SAP30L: variants seen among roughly 807,000 people sequenced by gnomAD.
The protein encoded by SAP30L is histone deacetylase complex subunit SAP30L.
A neutral mutation model predicts 22.3 loss-of-function variants in SAP30L; 10 were observed. The ratio of observed to expected loss-of-function variants is 0.45; its 90% CI spans 0.28 to 0.76. The LOEUF (loss-of-function observed/expected upper bound fraction) is 0.76, where lower values mean the gene tolerates loss of function less well. SAP30L is among the 30% of genes least tolerant of loss of function. The pLI, the probability that SAP30L is intolerant of heterozygous loss-of-function variation, is 0.14. For missense variants in SAP30L, 206 were observed against 237.9 expected, an observed-to-expected ratio of 0.87 and a Z score of 0.88; for synonymous variants, 91 against 94.1, an observed-to-expected ratio of 0.97 and a Z score of 0.19.
intron 2 of SAP30L, among the ~76,000 whole-genome samples, chr5:154,451,534 A>G (rs762676284): frequency 3.3e-4 from 43 of 131,190 alleles, no homozygotes; most frequent in Non-Finnish European, 6.1e-4. Context: ...GCGTAAATAC[A>G]ACCACAGTGT....
intron 2 of SAP30L, 133 bp downstream of exon 2, chr5:154,451,346 GT>G: frequency 1.1e-6 from 1 of 940,650 alleles, no homozygotes; most frequent in South Asian, 1.8e-5. Context: ...TATTTGAAAA[GT>G]GAATTATAGT....
In SAP30L at chr5:154,459,189, A is replaced by G. The variant is rs1207352033; in HGVS notation, c.*3161A>G. ...GCAGTTGCTTCATGGAAGTCATCCA[A>G]AGGCGCTCTCAGTCATTACAATGAC... On this transcript the variant is annotated 3_prime_UTR_variant, in exon 4 of 4. Coordinates refer to ENST00000297109, the MANE Select transcript of SAP30L (RefSeq NM_024632.6). The G allele has an allele frequency of 1.3e-5, 2 of 152,234 alleles. No individual in the cohort carries two copies. The highest frequency in any genetic ancestry group is 2.9e-5 in the Non-Finnish European group (2 of 68,056). 9.4% of individuals were successfully genotyped at this position (152,234 alleles called of 1,614,324 possible).
chr5:154,446,922 C>A (rs1172728286), intron 1 of SAP30L, 117 bp downstream of exon 1: 1 of 806,992 alleles, frequency 1.2e-6, no homozygotes, highest in Non-Finnish European at 1.9e-6. Flanking sequence ...CGCCCCGGCT[C>A]TGCAGAACTG....
chr5:154,449,579 G>A (rs1019749642), intron 1 of SAP30L, among the ~76,000 whole-genome samples: 2 of 152,194 alleles, frequency 1.3e-5, no homozygotes, highest in Admixed American at 1.3e-4. Flanking sequence ...GATCTGAGTG[G>A]ACTCGCCAGT....
Position 154,460,599 on chromosome 5 carries a change from A to T in SAP30L, c.*4571A>T, listed in dbSNP as rs1055282137. ...GAGGTAGAACCCAGCCTAGGGCAAG[A>T]TATGAACTGTTCTTGAGGTAGAAAT... On this transcript the variant is annotated 3_prime_UTR_variant, in exon 4 of 4. Coordinates refer to ENST00000297109, the MANE Select transcript of SAP30L (RefSeq NM_024632.6). The T allele has an allele frequency of 6.6e-5, 10 of 152,232 alleles. No homozygotes were observed. The highest frequency in any genetic ancestry group is 2.4e-4 in the African/African-American group (10 of 41,470). The allele number at this position is 152,232 out of a possible 1,614,324, so 9.4% of individuals were successfully genotyped here.
rs1757134994 is a variant in SAP30L, at chr5:154,451,323, T to C, written c.324+110T>C. ...TTAAGAAGTAATTTTAGTCCTTTTG[T>C]TTTGCTGTGGATTATTTGAAAAGTG... On this transcript the variant is annotated intron_variant, in intron 2 of 3. Coordinates refer to ENST00000297109, the MANE Select transcript of SAP30L (RefSeq NM_024632.6). The C allele has an allele frequency of 3.3e-6, 4 of 1,215,246 alleles. No homozygotes were observed. In the East Asian group the frequency reaches 9.5e-5, roughly 29 times the overall value. 75.3% of individuals were successfully genotyped at this position (1,215,246 alleles called of 1,614,324 possible).
rs1340940196 is a variant in SAP30L, at chr5:154,457,754, G to A, written c.*1726G>A. 1 of 152,180 alleles carries A rather than the reference G, an allele frequency of 6.6e-6. No individual in the cohort carries two copies. Among genetic ancestry groups the A allele is most frequent in the Non-Finnish European group, 1.5e-5 (1 of 68,044 alleles). The allele number at this position is 152,180 out of a possible 1,614,324, so 9.4% of individuals were successfully genotyped here. On this transcript the variant is annotated 3_prime_UTR_variant, in exon 4 of 4. Transcript: ENST00000297109. ...ATATAGAATATACTCTGGACTGTGA[G>A]GGCATCCTATTTTGGTATGCCTCCT...
At chr5:154,452,065 T>C (rs1757153195) in intron 2 of SAP30L, among the ~76,000 whole-genome samples, 1 of 152,212 alleles carries the variant, frequency 6.6e-6, no homozygotes. Flanking sequence ...TAAATTGTTT[T>C]CACTCAAGAC....
rs1757287868 is a variant in SAP30L at position 154,457,470 on chromosome 5, G to C, written c.*1442G>C. On this transcript the variant is annotated 3_prime_UTR_variant, in exon 4 of 4. Transcript: ENST00000297109. ...ATAAGAACAATGGACAGCCTGGCCTGGCAGAGAGTTTCACAGATGACTTAA... is the reference window on the plus strand; with the variant it reads ...ATAAGAACAATGGACAGCCTGGCCTCGCAGAGAGTTTCACAGATGACTTAA... The C allele has an allele frequency of 6.6e-6, 1 of 152,210 alleles. No homozygotes were observed. The highest frequency in any genetic ancestry group is 6.5e-5 in the Admixed American group (1 of 15,276). 9.4% of individuals were successfully genotyped at this position (152,210 alleles called of 1,614,324 possible).
At position 154,451,803 on chromosome 5, in the gene SAP30L, T is replaced by C. The variant is rs1231288455; in HGVS notation, c.324+590T>C. Among the ~76,000 whole-genome samples, 5 of 152,324 alleles carry C rather than the reference T, an allele frequency of 3.3e-5. No individual in the cohort carries two copies. The East Asian group carries it at 7.7e-4, about 23-fold the overall frequency. ...GTTGTGGGGACTGTCCTCTGCATTG[T>C]AGGATATTTAACAGCATGCCTCAGC... is the stretch of plus-strand genomic sequence containing the variant. On this transcript the variant is annotated intron_variant, in intron 2 of 3. Transcript: ENST00000297109.
chr5:154,446,928 A>C, intron 1 of SAP30L, 123 bp downstream of exon 1: 1 of 768,230 alleles, frequency 1.3e-6, no homozygotes, highest in Admixed American at 2.6e-5. Context: ...GGCTCTGCAG[A>C]ACTGAGTTGG....
At chr5:154,451,274 C>G in intron 2 of SAP30L, 61 bp downstream of exon 2, 1 of 1,555,530 alleles carries the variant, frequency 6.4e-7, no homozygotes, top group Non-Finnish European at 8.7e-7. Flanking sequence ...TGATTCTCAC[C>G]TCTGGCCTGG....
rs1757022767 is a variant in SAP30L at position 154,446,805 on chromosome 5, C to T, written c.201C>T (p.Ser67=). ...QKKLKLDIDK[S]VRHLYICDFH... is the part of the protein sequence containing the mutation. ...AACTCAAGCTGGACATCGACAAGAG[C>T]GTGAGTCCGCCCCCGCTCGCGTCTG... Residue 67 remains serine, a splice_region_variant and synonymous_variant, in exon 1 of 4, where the codon AGC becomes AGT. Coordinates refer to ENST00000297109, the MANE Select transcript of SAP30L (RefSeq NM_024632.6). The T allele has an allele frequency of 6.2e-7, 1 of 1,601,354 alleles. No homozygotes were observed. The highest frequency in any genetic ancestry group is 8.5e-7 in the Non-Finnish European group (1 of 1,175,362).
chr5:154,451,251 A>G, intron 2 of SAP30L, 38 bp downstream of exon 2: 1 of 1,604,216 alleles, frequency 6.2e-7, no homozygotes, highest in African/African-American at 1.3e-5. Context: ...AGCTGGAAGA[A>G]TGGATTCTAA....
At chr5:154,453,543 C>A in intron 3 of SAP30L, 43 bp downstream of exon 3, 2 of 1,286,274 alleles carry the variant, frequency 1.6e-6, no homozygotes, top group Non-Finnish European at 2.3e-6. Flanking sequence ...CAGCATTGTG[C>A]TGCTTCTGAT....
At chr5:154,450,094 A>G (rs1447856218) in intron 1 of SAP30L, among the ~76,000 whole-genome samples, 2 of 152,246 alleles carry the variant, frequency 1.3e-5, no homozygotes, top group Non-Finnish European at 2.9e-5. Flanking sequence ...ACATTTGTGC[A>G]ACAGCTGTTT....
intron 1 of SAP30L, among the ~76,000 whole-genome samples, chr5:154,447,883 C>G (rs940161858): frequency 6.6e-6 from 1 of 151,928 alleles, no homozygotes; most frequent in Non-Finnish European, 1.5e-5. Context: ...TAATTTACTT[C>G]CAAGCCCTAT....
In SAP30L at chr5:154,458,210, T is replaced by G. The variant is rs1182158143; in HGVS notation, c.*2182T>G. 6.6e-6 allele frequency: 1 copy of G among 152,260 alleles called. No homozygotes were observed. Among genetic ancestry groups the G allele is most frequent in the Non-Finnish European group, 1.5e-5 (1 of 68,048 alleles). The allele number at this position is 152,260 out of a possible 1,614,324, so 9.4% of individuals were successfully genotyped here. On this transcript the variant is annotated 3_prime_UTR_variant, in exon 4 of 4. Transcript: ENST00000297109. The stretch of plus-strand genomic sequence containing the variant: ...TGTGTGTGTACTTGGGTCCCTTGTC[T>G]TTCCTCTAAGGAGAGGTGCTTGTGG...
Position 154,456,057 on chromosome 5 carries a change from T to C in SAP30L, c.*29T>C. The C allele has an allele frequency of 6.2e-7, 1 of 1,607,540 alleles. No homozygotes were observed. Among genetic ancestry groups the C allele is most frequent in the Non-Finnish European group, 8.5e-7 (1 of 1,177,032 alleles). Reference sequence around the variant, plus strand: ...TGAAGCACATCTTAAAGGAATGAAGTGTAATGCTTGATGCACAGGTGATAT... The same window carrying C: ...TGAAGCACATCTTAAAGGAATGAAGCGTAATGCTTGATGCACAGGTGATAT... On this transcript the variant is annotated 3_prime_UTR_variant, in exon 4 of 4. Transcript: ENST00000297109.
Sources: gnomAD v4.1 joint callset for allele counts (sites outside exome capture counted in the v4.1 genomes callset) on GRCh38, gnomAD v4.1.1 for gene constraint, MANE v1.5 for transcripts, NCBI Gene and HGNC (gene_info 2026-07-23, HGNC 2026-07-21) for gene names.